The following KITLG variants were observed in gnomAD, a reference collection of about 807,000 sequenced individuals.
KITLG encodes the protein c-Kit ligand.
A neutral mutation model predicts 34.1 loss-of-function variants in KITLG; 13 were observed. The ratio of observed to expected loss-of-function variants is 0.38; its 90% CI spans 0.25 to 0.61. KITLG has a LOEUF of 0.61. Among genes scored for constraint, KITLG ranks in the 20% least tolerant of loss-of-function variants. The pLI is 0.60. For synonymous variants in KITLG, 110 were observed against 104.0 expected, an observed-to-expected ratio of 1.06 and a Z score of -0.35; for missense variants, 292 against 318.9, an observed-to-expected ratio of 0.92 and a Z score of 0.64.
Position 88,493,313 on chromosome 12 carries a change from A to G in KITLG, c.*3906T>C, listed in dbSNP as rs1453969575. 1 of 152,364 alleles carries G rather than the reference A, an allele frequency of 6.6e-6. No individual in the cohort carries two copies. Among genetic ancestry groups the G allele is most frequent in the African/African-American group, 2.4e-5 (1 of 41,436 alleles). 9.4% of individuals were successfully genotyped at this position (152,364 alleles called of 1,614,324 possible). On this transcript the variant is annotated 3_prime_UTR_variant, in exon 10 of 10. Coordinates refer to ENST00000644744, the MANE Select transcript of KITLG (RefSeq NM_000899.5). ...AGATGGCAGTTATAAATAAATTTAC[A>G]ATGCTTAGTAAACATTTCAGGATCA...
chr12:88,498,051 T>C (rs1476087625), intron 9 of KITLG, among the ~76,000 whole-genome samples: 2 of 152,196 alleles, frequency 1.3e-5, no homozygotes, highest in Non-Finnish European at 2.9e-5. Flanking sequence ...TCTACTAGCT[T>C]TCAGATGTTT....
intron 6 of KITLG, among the ~76,000 whole-genome samples, chr12:88,510,882 T>C (rs1869251117): frequency 1.3e-5 from 2 of 152,194 alleles, no homozygotes; most frequent in Admixed American, 1.3e-4. Flanking sequence ...GTGCTACACC[T>C]AAAAACATTT....
intron 1 of KITLG, among the ~76,000 whole-genome samples, chr12:88,569,886 ATTT>A (rs1037775535): frequency 6.6e-6 from 1 of 152,036 alleles, no homozygotes; most frequent in African/African-American, 2.4e-5. Context: ...TGCAGAAAAT[ATTT>A]TTTTTAATAT....
rs1869458818 is a variant in KITLG, at chr12:88,516,418, T to C, written c.436A>G (p.Arg146Gly). The C allele has an allele frequency of 6.2e-7, 1 of 1,609,344 alleles. No individual in the cohort carries two copies. The highest frequency in any genetic ancestry group is 8.5e-7 in the Non-Finnish European group (1 of 1,176,806). The change falls in exon 5 of 10, where the codon AGA becomes GGA. Residue 146 changes from arginine to glycine, a missense_variant. Coordinates refer to ENST00000644744, the MANE Select transcript of KITLG (RefSeq NM_000899.5). ...AAGTCCTTGAAGGCATCAATGGATC[T>C]ATTAAAAATTCTAAAGAATTCTTCA... is the stretch of plus-strand genomic sequence containing the variant. ...TPEEFFRIFN[R>G]SIDAFKDFVV...
intron 1 of KITLG, among the ~76,000 whole-genome samples, chr12:88,569,612 T>G (rs986377210): frequency 2.6e-5 from 4 of 152,186 alleles, no homozygotes; most frequent in African/African-American, 9.7e-5. Flanking sequence ...CTATGATAAA[T>G]GTACCATTGC....
At chr12:88,580,072 T>C in intron 1 of KITLG, 192 bp downstream of exon 1, 1 of 646,778 alleles carries the variant, frequency 1.5e-6, no homozygotes, top group Non-Finnish European at 2.8e-6. Flanking sequence ...CTCCCACTCC[T>C]TTTCTCCCTG....
Position 88,505,158 on chromosome 12 carries a change from C to A in KITLG, c.*37+1G>T. ...AAAAAGGAAAGAAGAAAAAAACTTACCAATGTACGAAAGTAACAGTGTTGA... is the reference window on the plus strand; with the variant it reads ...AAAAAGGAAAGAAGAAAAAAACTTAACAATGTACGAAAGTAACAGTGTTGA... On this transcript the variant is annotated splice_donor_variant, in intron 9 of 9. Transcript: ENST00000644744. LOFTEE classifies it low-confidence loss of function (3UTR_SPLICE). 6.7e-7 allele frequency: 1 copy of A among 1,498,316 alleles called. No individual in the cohort carries two copies. The highest frequency in any genetic ancestry group is 9.3e-7 in the Non-Finnish European group (1 of 1,079,644). The allele number at this position is 1,498,316 out of a possible 1,614,324, so 92.8% of individuals were successfully genotyped here.
chr12:88,493,053 T>C lies in KITLG; in HGVS notation c.*4166A>G, dbSNP rs1353241390. The C allele has an allele frequency of 6.6e-6, 1 of 152,312 alleles. No homozygotes were observed. The highest frequency in any genetic ancestry group is 2.4e-5 in the African/African-American group (1 of 41,416). 9.4% of individuals were successfully genotyped at this position (152,312 alleles called of 1,614,324 possible). On this transcript the variant is annotated 3_prime_UTR_variant, in exon 10 of 10. Coordinates refer to ENST00000644744, the MANE Select transcript of KITLG (RefSeq NM_000899.5). ...CCAATCTATGACTGAACTGAGGGTA[T>C]ATCTGCGCATCCATCTAAATTAATA...
chr12:88,517,606 C>A (rs1267530453), intron 4 of KITLG, among the ~76,000 whole-genome samples: 1 of 152,086 alleles, frequency 6.6e-6, no homozygotes, highest in Non-Finnish European at 1.5e-5. Context: ...CTTTGTGACA[C>A]CTTGTGTGAT....
chr12:88,545,666 G>GA, intron 2 of KITLG, 86 bp downstream of exon 2: 1 of 781,870 alleles, frequency 1.3e-6, no homozygotes, highest in East Asian at 2.6e-5. Context: ...TTTGGGGCAA[G>GA]AAAAATCTAA....
At chr12:88,526,158 G>A (rs1343834638) in intron 3 of KITLG, among the ~76,000 whole-genome samples, 1 of 152,178 alleles carries the variant, frequency 6.6e-6, no homozygotes, top group Non-Finnish European at 1.5e-5. Flanking sequence ...ATTAGGTTCA[G>A]GAATCTGGCT....
intron 2 of KITLG, among the ~76,000 whole-genome samples, chr12:88,540,330 C>G (rs1870476228): frequency 6.6e-6 from 1 of 152,062 alleles, no homozygotes; most frequent in Admixed American, 6.6e-5. Context: ...CAAACCTCTA[C>G]TCAACTATTT....
chr12:88,526,703 AC>A (rs1869880679), intron 3 of KITLG, among the ~76,000 whole-genome samples: 1 of 152,166 alleles, frequency 6.6e-6, no homozygotes, highest in Non-Finnish European at 1.5e-5. Context: ...AAAAATCAAA[AC>A]CAAAATCTAA....
In KITLG at chr12:88,493,221, C is replaced by T. The variant is rs1036354989; in HGVS notation, c.*3998G>A. ...AGCTCAGAGATCAAGTACTGGAAAACGGTGTGGTTTTTAGTTTAACAGTTG... is the reference window on the plus strand; with the variant it reads ...AGCTCAGAGATCAAGTACTGGAAAATGGTGTGGTTTTTAGTTTAACAGTTG... On this transcript the variant is annotated 3_prime_UTR_variant, in exon 10 of 10. Coordinates refer to ENST00000644744, the MANE Select transcript of KITLG (RefSeq NM_000899.5). The T allele has an allele frequency of 1.3e-5, 2 of 152,016 alleles. No individual in the cohort carries two copies. Among genetic ancestry groups the T allele is most frequent in the African/African-American group, 4.8e-5 (2 of 41,324 alleles). 9.4% of individuals were successfully genotyped at this position (152,016 alleles called of 1,614,324 possible).
At chr12:88,560,872 G>A (rs1871274168) in intron 1 of KITLG, among the ~76,000 whole-genome samples, 2 of 151,254 alleles carry the variant, frequency 1.3e-5, no homozygotes, top group Non-Finnish European at 1.5e-5. Context: ...GGGGGCTGAG[G>A]CAGGAGAATC....
intron 9 of KITLG, among the ~76,000 whole-genome samples, chr12:88,503,126 A>T (rs755290811): frequency 2.0e-5 from 3 of 152,242 alleles, no homozygotes; most frequent in Non-Finnish European, 2.9e-5. Context: ...TGCTACGGAC[A>T]TGTTAATCAA....
chr12:88,523,594 T>C (rs1387897704), intron 3 of KITLG, among the ~76,000 whole-genome samples: 1 of 152,224 alleles, frequency 6.6e-6, no homozygotes, highest in Admixed American at 6.5e-5. Flanking sequence ...ATTGTGACAA[T>C]TGCCATTTGT....
At chr12:88,519,202 A>G (rs746421337) in intron 3 of KITLG, among the ~76,000 whole-genome samples, 2 of 152,088 alleles carry the variant, frequency 1.3e-5, no homozygotes, top group Non-Finnish European at 2.9e-5. Context: ...AAATGTTGTA[A>G]TAGGAGGACA....
intron 1 of KITLG, among the ~76,000 whole-genome samples, chr12:88,552,724 T>C (rs1870959690): frequency 6.6e-6 from 1 of 151,894 alleles, no homozygotes; most frequent in South Asian, 2.1e-4. Context: ...CTGAGTAAGA[T>C]TCTGTTTAAA....
Sources: gnomAD v4.1 joint callset for allele counts (sites outside exome capture counted in the v4.1 genomes callset) on GRCh38, gnomAD v4.1.1 for gene constraint, MANE v1.5 for transcripts, NCBI Gene and HGNC (gene_info 2026-07-23, HGNC 2026-07-21) for gene names.